Variants in TMEM266 observed in about 807,000 individuals in gnomAD.
TMEM266 encodes transmembrane protein 266.
TMEM266 carries 33 observed loss-of-function variants against 50.5 expected under a neutral mutation model. The observed-to-expected ratio is 0.65, with a 90% confidence interval of 0.50 to 0.87. The LOEUF is 0.87. Among genes scored for constraint, TMEM266 ranks in the 40% least tolerant of loss-of-function variants. The pLI, the probability that TMEM266 is intolerant of heterozygous loss-of-function variation, is 0.00. For missense variants in TMEM266, 655 were observed against 695.1 expected (o/e 0.94, Z 0.65); for synonymous variants, 310 against 292.3 (o/e 1.06, Z -0.62).
At chr15:76,147,916 T>C (rs2037780393) in intron 3 of TMEM266, among the ~76,000 whole-genome samples, 1 of 152,146 alleles carries the variant, frequency 6.6e-6, no homozygotes, top group Non-Finnish European at 1.5e-5. Context: ...TCCCAGCTTC[T>C]CAGGATTGCA....
intron 1 of TMEM266, among the ~76,000 whole-genome samples, chr15:76,072,167 G>A (rs1490545567): frequency 2.6e-5 from 4 of 152,016 alleles, no homozygotes; most frequent in Non-Finnish European, 5.9e-5. Context: ...GGCCGGGTGC[G>A]GTGGCTCATA....
At chr15:76,157,108 C>T (rs1312510195) in intron 4 of TMEM266, among the ~76,000 whole-genome samples, 1 of 152,112 alleles carries the variant, frequency 6.6e-6, no homozygotes, top group Non-Finnish European at 1.5e-5. Context: ...TTGGAATTTT[C>T]TGTAGTCTAA....
chr15:76,065,754 A>C (rs2036402861), intron 1 of TMEM266, among the ~76,000 whole-genome samples: 1 of 152,122 alleles, frequency 6.6e-6, no homozygotes, highest in African/African-American at 2.4e-5. Flanking sequence ...TCCTGTGTAC[A>C]TGCCTGTAAC....
chr15:76,109,771 G>A (rs2037139808), intron 1 of TMEM266, among the ~76,000 whole-genome samples: 1 of 147,752 alleles, frequency 6.8e-6, no homozygotes, highest in Non-Finnish European at 1.5e-5. Flanking sequence ...GTACAGTGGT[G>A]TGATCATGAC....
At position 76,163,184 on chromosome 15, in the gene TMEM266, C is replaced by T. The variant is rs78248017; in HGVS notation, c.456+3016C>T. ...GCAGGCCTCTGGGTGGGTGAGCGGG[C>T]CTCTGCCCCGGCCTTTGCCCACCCT... is the stretch of plus-strand genomic sequence containing the variant. On this transcript the variant is annotated intron_variant, in intron 5 of 10. Transcript: ENST00000388942. Among the ~76,000 whole-genome samples the T allele has an allele frequency of 1.9e-4, 29 of 152,316 alleles. No individual in the cohort carries two copies. The East Asian group carries it at 5.4e-3, about 28-fold the overall frequency.
chr15:76,177,567 C>T (rs922968317), intron 8 of TMEM266, among the ~76,000 whole-genome samples: 3 of 152,368 alleles, frequency 2.0e-5, no homozygotes, highest in South Asian at 2.1e-4. Flanking sequence ...CCTTTTGTTT[C>T]GCACAGAATG....
chr15:76,127,850 G>T (rs561306184), intron 1 of TMEM266, among the ~76,000 whole-genome samples: 3 of 152,138 alleles, frequency 2.0e-5, no homozygotes, highest in East Asian at 3.9e-4. Context: ...GAGTGTGGTC[G>T]GTGGGTCAGC....
At chr15:76,134,498 C>T (rs112180870) in intron 2 of TMEM266, among the ~76,000 whole-genome samples, 197 bp downstream of exon 2, 6 of 152,150 alleles carry the variant, frequency 3.9e-5, no homozygotes, top group East Asian at 1.9e-4. Flanking sequence ...AAATGGGAAT[C>T]GCAAGGAAAT....
intron 1 of TMEM266, among the ~76,000 whole-genome samples, chr15:76,062,615 G>T (rs1483278300): frequency 6.6e-6 from 1 of 152,200 alleles, no homozygotes; most frequent in Non-Finnish European, 1.5e-5. Context: ...GAGTTTTCCT[G>T]TGGGGAGCAT....
chr15:76,203,460 C>T (rs971386955), intron 10 of TMEM266, among the ~76,000 whole-genome samples: 13 of 152,210 alleles, frequency 8.5e-5, no homozygotes, highest in Non-Finnish European at 1.6e-4. Context: ...CATAAAGCTT[C>T]TGCCCAGAAG....
intron 7 of TMEM266, 45 bp downstream of exon 7, chr15:76,171,176 AG>A: frequency 6.2e-7 from 1 of 1,601,896 alleles, no homozygotes; most frequent in Admixed American, 1.7e-5. Flanking sequence ...TGCTCCAGAA[AG>A]TGGGGCTTTC....
intron 5 of TMEM266, among the ~76,000 whole-genome samples, chr15:76,163,469 C>T (rs1461426505): frequency 2.0e-5 from 3 of 152,182 alleles, no homozygotes; most frequent in East Asian, 1.9e-4. Flanking sequence ...ACTTCCTGGG[C>T]CCCAGTCTTC....
intron 4 of TMEM266, among the ~76,000 whole-genome samples, chr15:76,157,504 T>C (rs562172692): frequency 6.6e-6 from 1 of 152,306 alleles, no homozygotes; most frequent in Non-Finnish European, 1.5e-5. Context: ...GGATGTCCCA[T>C]AGTGACATGG....
At chr15:76,108,268 G>A (rs1027555873) in intron 1 of TMEM266, among the ~76,000 whole-genome samples, 1 of 152,222 alleles carries the variant, frequency 6.6e-6, no homozygotes, top group African/African-American at 2.4e-5. Flanking sequence ...TGGCATTGGA[G>A]CCTGGTTGCT....
intron 9 of TMEM266, among the ~76,000 whole-genome samples, chr15:76,199,544 T>A (rs2460152): frequency 1.3e-5 from 2 of 152,194 alleles, no homozygotes; most frequent in Non-Finnish European, 2.9e-5. Context: ...AAGACCTGGG[T>A]GTCCGTGCTG....
chr15:76,166,496 G>A (rs1044260578), intron 5 of TMEM266, among the ~76,000 whole-genome samples: 8 of 152,214 alleles, frequency 5.3e-5, no homozygotes, highest in African/African-American at 1.9e-4. Flanking sequence ...GGCAGCGGCT[G>A]GGATTCTAGC....
At chr15:76,197,294 A>T (rs924602286) in intron 9 of TMEM266, among the ~76,000 whole-genome samples, 4 of 152,230 alleles carry the variant, frequency 2.6e-5, no homozygotes, top group Non-Finnish European at 4.4e-5. Flanking sequence ...GCAAAGTAGC[A>T]TTTGAAGCAA....
At chr15:76,191,782 C>T (rs2038575089) in intron 8 of TMEM266, 186 bp from the exon 9 acceptor site, 1 of 563,848 alleles carries the variant, frequency 1.8e-6, no homozygotes, top group Admixed American at 4.0e-5. Flanking sequence ...GAAAAGGCTC[C>T]GCAACCGTAA....
At chr15:76,117,219 C>T (rs1221637279) in intron 1 of TMEM266, among the ~76,000 whole-genome samples, 1 of 151,648 alleles carries the variant, frequency 6.6e-6, no homozygotes, top group Admixed American at 6.6e-5. Context: ...GGGTCTTACA[C>T]TTGATGCATA....
Sources: allele counts gnomAD v4.1 joint callset (sites outside exome capture counted in the v4.1 genomes callset), GRCh38; gene constraint gnomAD v4.1.1; transcripts MANE v1.5; gene names NCBI Gene and HGNC (gene_info 2026-07-23, HGNC 2026-07-21).